LPIN1: variants seen among roughly 807,000 people sequenced by gnomAD.
The protein encoded by LPIN1 is phosphatidate phosphatase LPIN1.
LPIN1 carries 71 observed loss-of-function variants against 107.5 expected under a neutral mutation model. That is an observed-to-expected ratio of 0.66 (90% CI 0.55 to 0.80). LPIN1 has a LOEUF of 0.80. Among genes scored for constraint, LPIN1 ranks in the 30% least tolerant of loss-of-function variants. The pLI, the probability that LPIN1 is intolerant of heterozygous loss-of-function variation, is 0.00. For synonymous variants in LPIN1, 445 were observed against 452.6 expected (o/e 0.98, Z 0.21); for missense variants, 1,043 against 1,160.6 (o/e 0.90, Z 1.47).
intron 8 of LPIN1, among the ~76,000 whole-genome samples, chr2:11,782,861 C>T (rs17603197): frequency 0.11 from 17,230 of 152,224 alleles, 1,185 homozygotes; most frequent in Non-Finnish European, 0.16. Context: ...CCTTGCCCTG[C>T]GTTGCTTTCC....
At chr2:11,726,660 T>C (rs1406863809) in intron 1 of LPIN1, among the ~76,000 whole-genome samples, 1 of 152,136 alleles carries the variant, frequency 6.6e-6, no homozygotes, top group Non-Finnish European at 1.5e-5. Context: ...ATAGTAGGCA[T>C]ATGTGGCAAT....
At chr2:11,779,351 C>A (rs967473380) in intron 6 of LPIN1, among the ~76,000 whole-genome samples, 168 bp from the exon 7 acceptor site, 6 of 152,326 alleles carry the variant, frequency 3.9e-5, no homozygotes, top group African/African-American at 1.4e-4. Context: ...ATGGGAGGCG[C>A]TTCCCTGCCC....
At chr2:11,693,657 A>G (rs1426543976) in intron 1 of LPIN1, among the ~76,000 whole-genome samples, 2 of 150,796 alleles carry the variant, frequency 1.3e-5, no homozygotes, top group East Asian at 3.9e-4. Context: ...CAATTTCCTC[A>G]TCTTCAATGG....
intron 1 of LPIN1, among the ~76,000 whole-genome samples, chr2:11,763,896 T>C (rs564657147): frequency 1.1e-4 from 16 of 151,754 alleles, no homozygotes; most frequent in African/African-American, 3.9e-4. Flanking sequence ...CTGATGCACC[T>C]TCTTTCCTTG....
In LPIN1 at chr2:11,787,392, C is replaced by CTTTTTTTTTTT. The variant is rs1219054361; in HGVS notation, c.1643+230_1643+231insTTTTTTTTTTT. On this transcript the variant is annotated intron_variant, in intron 11 of 20. Coordinates refer to ENST00000674199, the MANE Select transcript of LPIN1 (RefSeq NM_001349206.2). ...AGTCTTGTGAGTTTTCTTTTCTTTTCTTTTTCTTTTTTTTTTTTTTTTTTT... is the reference window on the plus strand; with the variant it reads ...AGTCTTGTGAGTTTTCTTTTCTTTTCTTTTTTTTTTTTTTTTCTTTTTTTTTTTTTTTTTTT... Among the ~76,000 whole-genome samples, 81 of 113,658 alleles carry CTTTTTTTTTTT rather than the reference C, an allele frequency of 7.1e-4. 6 individuals carry two copies. The highest frequency in any genetic ancestry group is 8.3e-4 in the Non-Finnish European group (48 of 57,910). 74.6% of individuals were successfully genotyped at this position (113,658 alleles called of 152,430 possible). A position where few individuals can be genotyped will look rare whatever the true frequency, so the allele number is the denominator to read the frequency against.
exon 1 of LPIN1, chr2:11,724,348 T>A: frequency 1.0e-6 from 1 of 985,678 alleles, no homozygotes; most frequent in Non-Finnish European, 1.2e-6. Context: ...AGGGCATGGA[T>A]GAAAGCAAGC....
At chr2:11,699,249 CATGCA>C (rs1662742070) in intron 1 of LPIN1, among the ~76,000 whole-genome samples, 1 of 152,180 alleles carries the variant, frequency 6.6e-6, no homozygotes, top group African/African-American at 2.4e-5. Flanking sequence ...CCCCCATTTA[CATGCA>C]AAATGTTTGT....
chr2:11,819,376 G>T, intron 18 of LPIN1, 108 bp from the exon 19 acceptor site: 2 of 786,902 alleles, frequency 2.5e-6, no homozygotes, highest in African/African-American at 1.7e-5. Context: ...CTAAACTTTT[G>T]AAGATTTGAG....
chr2:11,771,757 C>T lies in LPIN1; in HGVS notation c.596+78C>T. ...TCAAGATTATTTTTATGAACTTTTC[C>T]CCCATAATTCCTTATTCTTTTATGT... On this transcript the variant is annotated intron_variant, in intron 4 of 20. Coordinates refer to ENST00000674199, the MANE Select transcript of LPIN1 (RefSeq NM_001349206.2). This position sits in a 1 kb window ranked among gnomAD's most constrained non-coding sequence, Gnocchi z 4.8. 1.4e-6 allele frequency: 2 copies of T among 1,392,914 alleles called. No individual in the cohort carries two copies. The highest frequency in any genetic ancestry group is 2.0e-6 in the Non-Finnish European group (2 of 1,016,422). 86.3% of individuals were successfully genotyped at this position (1,392,914 alleles called of 1,614,324 possible). A position where few individuals can be genotyped will look rare whatever the true frequency, so the allele number is the denominator to read the frequency against.
chr2:11,798,154 G>A (rs1425923859), intron 14 of LPIN1, among the ~76,000 whole-genome samples: 1 of 152,196 alleles, frequency 6.6e-6, no homozygotes, highest in Admixed American at 6.5e-5. Flanking sequence ...TAAGTTTCCT[G>A]AGGCCTCCCC....
chr2:11,812,881 G>A (rs1245467335), intron 17 of LPIN1, among the ~76,000 whole-genome samples: 3 of 152,186 alleles, frequency 2.0e-5, no homozygotes, highest in East Asian at 1.9e-4. Context: ...GAGGCCATGC[G>A]GTGTGGACGT....
intron 3 of LPIN1, among the ~76,000 whole-genome samples, chr2:11,768,063 C>G (rs1367763207): frequency 6.6e-6 from 1 of 152,134 alleles, no homozygotes; most frequent in South Asian, 2.1e-4. Flanking sequence ...CTCAGCTCTC[C>G]TGGCTGGCTT....
chr2:11,695,808 G>A (rs1209355493), intron 1 of LPIN1, among the ~76,000 whole-genome samples: 1 of 152,156 alleles, frequency 6.6e-6, no homozygotes, highest in East Asian at 1.9e-4. Context: ...TTTGGTGAGT[G>A]GAACCTTAGC....
In LPIN1 at chr2:11,732,907, C is replaced by CTGTGTGTG. The variant is rs753216186; in HGVS notation, c.-72+8369_-72+8370insGTGTGTGT. ...TCTCTCTCTCTTTCTCTCTCTCTCT[C>CTGTGTGTG]TCTCTGTGTGTGTGTGTGTGTGTGT... On this transcript the variant is annotated intron_variant, in intron 1 of 21. Coordinates refer to the LPIN1 transcript ENST00000396097. Among the ~76,000 whole-genome samples the CTGTGTGTG allele has an allele frequency of 1.7e-3, 251 of 150,738 alleles. 1 individual carries two copies. The highest frequency in any genetic ancestry group is 5.7e-3 in the African/African-American group (231 of 40,490).
At chr2:11,728,841 T>C (rs149622404) in intron 1 of LPIN1, among the ~76,000 whole-genome samples, 2 of 152,298 alleles carry the variant, frequency 1.3e-5, no homozygotes, top group East Asian at 1.9e-4. Context: ...CTAATTCATA[T>C]CTTTAATTAT....
rs1401569991 is a variant in LPIN1 at position 11,815,142 on chromosome 2, G to A, written c.2304G>A (p.Met768Ile). 6.2e-7 allele frequency: 1 copy of A among 1,614,108 alleles called. No individual in the cohort carries two copies. Among genetic ancestry groups the A allele is most frequent in the Non-Finnish European group, 8.5e-7 (1 of 1,180,050 alleles). ...CSARAIGMAD[M>I]TRGYLHWVNE... ...CCCGTGCCATCGGGATGGCGGACAT[G>A]ACGCGGGGCTACCTGCACTGGGTCA... is the stretch of plus-strand genomic sequence containing the variant. Residue 768 changes from methionine (M) to isoleucine (I), a missense_variant, in exon 18 of 21, where the codon ATG (methionine) becomes ATA (isoleucine). By Grantham distance (10) the Met-to-Ile change is conservative (BLOSUM62 1). Transcript: ENST00000674199.
chr2:11,792,106 C>T (rs1258945642), intron 13 of LPIN1, 100 bp downstream of exon 13: 1 of 1,018,638 alleles, frequency 9.8e-7, no homozygotes, highest in African/African-American at 1.6e-5. Context: ...TGAAGATAGG[C>T]CCTAGTGCTG....
intron 18 of LPIN1, among the ~76,000 whole-genome samples, chr2:11,815,539 C>A (rs867599706): frequency 2.0e-5 from 3 of 152,050 alleles, no homozygotes; most frequent in Non-Finnish European, 2.9e-5. Flanking sequence ...GTCTCCCAGA[C>A]AATTGTCTCT....
chr2:11,820,927 G>A (rs1421533887), intron 20 of LPIN1, among the ~76,000 whole-genome samples: 3 of 152,178 alleles, frequency 2.0e-5, no homozygotes, highest in Non-Finnish European at 4.4e-5. Context: ...AGACATTGCT[G>A]TGTAATTGTT....
Sources: allele counts gnomAD v4.1 joint callset (sites outside exome capture counted in the v4.1 genomes callset), GRCh38; gene constraint gnomAD v4.1.1; non-coding constraint Gnocchi (gnomAD v3.1); transcripts MANE v1.5; gene names NCBI Gene and HGNC (gene_info 2026-07-23, HGNC 2026-07-21).